Variants in CD46 observed in about 807,000 individuals in gnomAD.
CD46 encodes membrane cofactor protein.
Under a neutral mutation model 53.3 loss-of-function variants are expected in CD46, and 30 were observed. That is an observed-to-expected ratio of 0.56 (90% CI 0.42 to 0.76). The LOEUF is 0.76. Ranked by LOEUF, CD46 falls within the 30% of genes least tolerant of loss-of-function variation. The pLI, the probability that CD46 is intolerant of heterozygous loss-of-function variation, is 0.00. For synonymous variants in CD46, 142 were observed against 152.0 expected (o/e 0.93, Z 0.48); for missense variants, 409 against 463.0 (o/e 0.88, Z 1.07).
chr1:207,757,489 C>T, intron 2 of CD46, 51 bp from the exon 3 acceptor site: 2 of 1,195,892 alleles, frequency 1.7e-6, no homozygotes, highest in African/African-American at 1.5e-5. Flanking sequence ...GATTTTGATT[C>T]AGATCTGTTT....
intron 3 of CD46, among the ~76,000 whole-genome samples, chr1:207,758,948 TTACTC>T (rs71994659): frequency 0.019 from 2,929 of 152,232 alleles, 97 homozygotes; most frequent in African/African-American, 0.068. Context: ...TTCATGATAA[TTACTC>T]TAAGAGTCCA....
chr1:207,775,579 C>T (rs1047285708), intron 8 of CD46, among the ~76,000 whole-genome samples: 1 of 152,098 alleles, frequency 6.6e-6, no homozygotes, highest in Non-Finnish European at 1.5e-5. Context: ...TGATGCTATT[C>T]CTTTCTGTTT....
intron 8 of CD46, among the ~76,000 whole-genome samples, chr1:207,781,181 A>C (rs906583370): frequency 1.3e-5 from 2 of 150,112 alleles, no homozygotes; most frequent in Admixed American, 6.7e-5. Context: ...CATTTCCCTA[A>C]AAATTAGAAA....
At chr1:207,785,820 C>A in intron 11 of CD46, 138 bp downstream of exon 11, 1 of 666,728 alleles carries the variant, frequency 1.5e-6, no homozygotes, top group Non-Finnish European at 2.7e-6. Context: ...GTTTGTCCTA[C>A]CAATTGCATT....
At chr1:207,781,159 A>C (rs1361391830) in intron 8 of CD46, among the ~76,000 whole-genome samples, 1 of 149,714 alleles carries the variant, frequency 6.7e-6, no homozygotes, top group Non-Finnish European at 1.5e-5. Flanking sequence ...GTAGATATGC[A>C]TACTAGATAT....
intron 8 of CD46, among the ~76,000 whole-genome samples, chr1:207,779,913 C>CTTTTTTTTTT (rs66758503): frequency 1.8e-4 from 11 of 62,396 alleles, no homozygotes; most frequent in East Asian, 8.2e-4. Flanking sequence ...AAAAGCAAGT[C>CTTTTTTTTTT]TTTTTTTTTT....
intron 12 of CD46, among the ~76,000 whole-genome samples, chr1:207,792,759 C>T (rs550227747): frequency 6.6e-5 from 10 of 152,248 alleles, no homozygotes; most frequent in Non-Finnish European, 5.9e-5. Flanking sequence ...AATAGCCATG[C>T]GTGACTGCTA....
rs1049401493 is a variant in CD46, at chr1:207,785,601, T to A, written c.1019-18T>A. ...AGTTTTCAGAATTATATGTCATTTGTTTCCTGGTTTCTTATAGTTGTTGGA... is the reference window on the plus strand; with the variant it reads ...AGTTTTCAGAATTATATGTCATTTGATTCCTGGTTTCTTATAGTTGTTGGA... On this transcript the variant is annotated intron_variant, in intron 10 of 12. Transcript: ENST00000367042. 1.7e-5 allele frequency: 26 copies of A among 1,574,240 alleles called. No homozygotes were observed. The highest frequency in any genetic ancestry group is 2.1e-5 in the Non-Finnish European group (24 of 1,144,008).
chr1:207,760,323 T>C (rs1656036740), intron 4 of CD46: 1 of 152,804 alleles, frequency 6.5e-6, no homozygotes, highest in Admixed American at 6.5e-5. Flanking sequence ...ACATCTGGCT[T>C]AAAGCAAGAT....
intron 5 of CD46, among the ~76,000 whole-genome samples, chr1:207,764,763 G>C (rs1236514732): frequency 6.6e-6 from 1 of 152,144 alleles, no homozygotes; most frequent in Non-Finnish European, 1.5e-5. Context: ...CTCACTTGAA[G>C]ATATGGATAA....
Position 207,785,693 on chromosome 1 carries a change from G to A in CD46, c.1082+11G>A. 1 of 1,583,034 alleles carries A rather than the reference G, an allele frequency of 6.3e-7. No homozygotes were observed. The highest frequency in any genetic ancestry group is 8.7e-7 in the Non-Finnish European group (1 of 1,152,182). On this transcript the variant is annotated intron_variant, in intron 11 of 12. Coordinates refer to ENST00000367042, the MANE Select transcript of CD46 (RefSeq NM_172351.3). ...GAGGAAGAAGAAAGGGTAAATTAAAGCATGTTTCTTTTAACTTCTTGGTCC... is the reference window on the plus strand; with the variant it reads ...GAGGAAGAAGAAAGGGTAAATTAAAACATGTTTCTTTTAACTTCTTGGTCC...
At chr1:207,786,227 A>G (rs1280648776) in intron 11 of CD46, among the ~76,000 whole-genome samples, 1 of 152,200 alleles carries the variant, frequency 6.6e-6, no homozygotes, top group African/African-American at 2.4e-5. Flanking sequence ...TCAAAACAAC[A>G]CTATCCGATT....
chr1:207,755,727 C>T (rs1281590066), intron 1 of CD46, among the ~76,000 whole-genome samples: 2 of 152,184 alleles, frequency 1.3e-5, no homozygotes, highest in Non-Finnish European at 2.9e-5. Context: ...AGAGAGCAGT[C>T]CATATCTGGT....
intron 4 of CD46, chr1:207,760,943 C>T (rs1432099809): frequency 1.3e-5 from 5 of 370,416 alleles, no homozygotes; most frequent in South Asian, 2.4e-5. Flanking sequence ...CCCCTCCCAC[C>T]AGGCCCCACC....
chr1:207,787,352 A>G (rs558909542), intron 11 of CD46, among the ~76,000 whole-genome samples: 5 of 152,148 alleles, frequency 3.3e-5, no homozygotes, highest in Non-Finnish European at 5.9e-5. Flanking sequence ...GATTACAGGC[A>G]TGAGCCACCG....
In CD46 at chr1:207,767,115, G is replaced by A; in HGVS notation, c.776G>A (p.Gly259Asp). 1 of 1,613,858 alleles carries A rather than the reference G, an allele frequency of 6.2e-7. No homozygotes were observed. The highest frequency in any genetic ancestry group is 8.5e-7 in the Non-Finnish European group (1 of 1,179,790). ...ACAGTTATGTTTGAATGCGATAAGG[G>A]TTTTTACCTCGATGGCAGCGACACA... ...KATVMFECDK[G>D]FYLDGSDTIV... is the part of the protein sequence containing the mutation. Residue 259 changes from glycine (G) to aspartate (D), a missense_variant, in exon 6 of 13, where the codon GGT becomes GAT. Transcript: ENST00000367042.
intron 7 of CD46, 55 bp from the exon 8 acceptor site, chr1:207,770,266 A>G (rs1310232905): frequency 1.6e-6 from 2 of 1,249,982 alleles, no homozygotes; most frequent in African/African-American, 1.5e-5. Flanking sequence ...TTAAAGTCAT[A>G]ATTTTATATT....
rs1245264352 is a variant in CD46, at chr1:207,783,349, A to T, written c.982+19A>T. ...AGTTTGGGTTGGTATAGCTATCATG[A>T]CAAATATAAGTGGTAGTATGTGTAG... On this transcript the variant is annotated intron_variant, in intron 9 of 12. Coordinates refer to ENST00000367042, the MANE Select transcript of CD46 (RefSeq NM_172351.3). 6.7e-7 allele frequency: 1 copy of T among 1,486,688 alleles called. No homozygotes were observed. 92.1% of individuals were successfully genotyped at this position (1,486,688 alleles called of 1,614,324 possible).
chr1:207,780,042 C>CCATTTTAAG (rs1475480459), intron 8 of CD46, among the ~76,000 whole-genome samples: 1 of 149,822 alleles, frequency 6.7e-6, no homozygotes, highest in Non-Finnish European at 1.5e-5. Flanking sequence ...ATCATTTTGA[C>CCATTTTAAG]CATTTTAAGT....
Sources: gnomAD v4.1 joint callset for allele counts (sites outside exome capture counted in the v4.1 genomes callset) on GRCh38, gnomAD v4.1.1 for gene constraint, MANE v1.5 for transcripts, NCBI Gene and HGNC (gene_info 2026-07-23, HGNC 2026-07-21) for gene names.